ACVR2A: variants seen among roughly 807,000 people sequenced by gnomAD.
ACVR2A encodes activin A receptor type 2A.
ACVR2A carries 7 observed loss-of-function variants against 61.4 expected under a neutral mutation model. The ratio of observed to expected loss-of-function variants is 0.11; its 90% confidence interval spans 0.06 to 0.21. The LOEUF is 0.21. Ranked by LOEUF, ACVR2A falls within the 10% of genes least tolerant of loss-of-function variation. The pLI, the probability that ACVR2A is intolerant of heterozygous loss-of-function variation, is 1.00. For missense variants in ACVR2A, 322 were observed against 621.7 expected (o/e 0.52, Z 5.13); for synonymous variants, 193 against 208.3 (o/e 0.93, Z 0.63).
chr2:147,847,571 T>C (rs376848525), intron 1 of ACVR2A, among the ~76,000 whole-genome samples: 1 of 152,144 alleles, frequency 6.6e-6, no homozygotes, highest in African/African-American at 2.4e-5. Flanking sequence ...TTAGGAGGGA[T>C]GTTTACTATT....
chr2:147,923,177 T>C, intron 9 of ACVR2A, 66 bp downstream of exon 9: 1 of 1,381,076 alleles, frequency 7.2e-7, no homozygotes, highest in Non-Finnish European at 9.9e-7. Flanking sequence ...AAAGGGATGA[T>C]ACACTCCAAG....
At chr2:147,908,064 GAAAA>G (rs1013093217) in intron 4 of ACVR2A, among the ~76,000 whole-genome samples, 1 of 105,928 alleles carries the variant, frequency 9.4e-6, no homozygotes, top group African/African-American at 2.9e-5. Flanking sequence ...AGAAAAAAAA[GAAAA>G]AAAAAGCAAA....
Position 147,915,184 on chromosome 2 carries a change from T to C in ACVR2A, c.529-7T>C. On this transcript the variant is annotated splice_region_variant and splice_polypyrimidine_tract_variant and intron_variant, in intron 4 of 10. Transcript: ENST00000241416. ...TTATTTATAGTATTATTATTATTTATCTGTAGGACCCAGGACCACCCCCAC... is the reference window on the plus strand; with the variant it reads ...TTATTTATAGTATTATTATTATTTACCTGTAGGACCCAGGACCACCCCCAC... The C allele has an allele frequency of 6.2e-7, 1 of 1,610,498 alleles. No homozygotes were observed. The highest frequency in any genetic ancestry group is 8.5e-7 in the Non-Finnish European group (1 of 1,177,416).
At chr2:147,844,881 G>A (rs1685258731), upstream of ACVR2A, 2 of 383,162 alleles carry the variant, frequency 5.2e-6, no homozygotes. Flanking sequence ...TGTTGTTGTT[G>A]GCTTTTCGTT....
chr2:147,908,945 T>A (rs1457296550), intron 4 of ACVR2A, among the ~76,000 whole-genome samples: 1 of 152,074 alleles, frequency 6.6e-6, no homozygotes, highest in East Asian at 1.9e-4. Flanking sequence ...TAAACAAAAA[T>A]CTCTATTTTC....
intron 1 of ACVR2A, among the ~76,000 whole-genome samples, chr2:147,873,148 C>T (rs1686065053): frequency 6.6e-6 from 1 of 151,832 alleles, no homozygotes. Context: ...CTAAGAATGC[C>T]TCATATGGCA....
At chr2:147,913,936 G>A (rs1687187416) in intron 4 of ACVR2A, among the ~76,000 whole-genome samples, 1 of 149,774 alleles carries the variant, frequency 6.7e-6, no homozygotes, top group Non-Finnish European at 1.5e-5. Flanking sequence ...TATAAAGATG[G>A]TTTCATTTAG....
intron 1 of ACVR2A, among the ~76,000 whole-genome samples, chr2:147,887,256 A>T (rs1430873151): frequency 6.6e-6 from 1 of 152,052 alleles, no homozygotes; most frequent in Non-Finnish European, 1.5e-5. Context: ...TGAAAATGTG[A>T]TTAAAGAATG....
At chr2:147,877,010 GTC>G (rs773954966) in intron 1 of ACVR2A, among the ~76,000 whole-genome samples, 3 of 148,630 alleles carry the variant, frequency 2.0e-5, no homozygotes, top group Non-Finnish European at 4.5e-5. Context: ...AAGCTGCTGT[GTC>G]TCTCTATTCT....
At chr2:147,912,722 T>C (rs1308993243) in intron 4 of ACVR2A, among the ~76,000 whole-genome samples, 1 of 151,998 alleles carries the variant, frequency 6.6e-6, no homozygotes, top group Non-Finnish European at 1.5e-5. Context: ...TTAGAGATTT[T>C]ATAATCTGTC....
At position 147,929,080 on chromosome 2, in the gene ACVR2A, A is replaced by C. The variant is rs1687586778; in HGVS notation, c.*1806A>C. 1 of 152,458 alleles carries C rather than the reference A, an allele frequency of 6.6e-6. No individual in the cohort carries two copies. Among genetic ancestry groups the C allele is most frequent in the South Asian group, 2.1e-4 (1 of 4,834 alleles). The allele number at this position is 152,458 out of a possible 1,614,324, so 9.4% of individuals were successfully genotyped here. A position where few individuals can be genotyped will look rare whatever the true frequency, so the allele number is the denominator to read the frequency against. ...ATTTATAAACAATACATAGGTCAAC[A>C]GACTTTAAGCAGGGAGGAAAAGAAG... On this transcript the variant is annotated 3_prime_UTR_variant, in exon 11 of 11. Transcript: ENST00000241416.
intron 1 of ACVR2A, among the ~76,000 whole-genome samples, chr2:147,881,195 C>T (rs533195971): frequency 6.6e-6 from 1 of 152,172 alleles, no homozygotes; most frequent in Non-Finnish European, 1.5e-5. Flanking sequence ...ATGATAAATC[C>T]GAAGTTTTGT....
chr2:147,855,433 A>C (rs1558959481), intron 1 of ACVR2A, among the ~76,000 whole-genome samples: 1 of 152,174 alleles, frequency 6.6e-6, no homozygotes, highest in Non-Finnish European at 1.5e-5. Context: ...TGAAGCAAAG[A>C]GTTTTAAGGA....
intron 1 of ACVR2A, among the ~76,000 whole-genome samples, chr2:147,893,756 C>CTA (rs1686649803): frequency 6.6e-6 from 1 of 151,998 alleles, no homozygotes; most frequent in Non-Finnish European, 1.5e-5. Flanking sequence ...TTGTAAGAGG[C>CTA]CGTTATATTT....
chr2:147,856,090 T>C (rs74364731), intron 1 of ACVR2A, among the ~76,000 whole-genome samples: 4,989 of 152,314 alleles, frequency 0.033, 212 homozygotes, highest in African/African-American at 0.097. Context: ...CTTAATACTT[T>C]AGGCTATTAG....
Position 147,922,826 on chromosome 2 carries a change from C to T in ACVR2A, c.1078-147C>T, listed in dbSNP as rs1397422613. ...TGTTGATATATTTTTTAAGTATACG[C>T]AGAAAGGATCTTTCTATTTATACGC... On this transcript the variant is annotated intron_variant, in intron 8 of 10. Coordinates refer to ENST00000241416, the MANE Select transcript of ACVR2A (RefSeq NM_001616.5). 1.0e-5 allele frequency: 7 copies of T among 703,172 alleles called. No individual in the cohort carries two copies. The African/African-American group carries it at 1.3e-4, about 13-fold the overall frequency. The allele number at this position is 703,172 out of a possible 1,614,324, so 43.6% of individuals were successfully genotyped here. A position where few individuals can be genotyped will look rare whatever the true frequency, so the allele number is the denominator to read the frequency against.
At chr2:147,892,885 A>G (rs573438864) in intron 1 of ACVR2A, among the ~76,000 whole-genome samples, 17 of 150,210 alleles carry the variant, frequency 1.1e-4, no homozygotes, top group African/African-American at 3.7e-4. Context: ...TTTCTTTTCT[A>G]TTGTTTTTTT....
chr2:147,896,555 A>G, intron 2 of ACVR2A, 47 bp downstream of exon 2: 1 of 1,558,810 alleles, frequency 6.4e-7, no homozygotes, highest in Non-Finnish European at 8.8e-7. Flanking sequence ...TAATTTTCAC[A>G]CTTCCCCTCT....
At chr2:147,849,303 C>T (rs1472813575) in intron 1 of ACVR2A, among the ~76,000 whole-genome samples, 3 of 152,168 alleles carry the variant, frequency 2.0e-5, no homozygotes, top group African/African-American at 4.8e-5. Flanking sequence ...CATCATTGGG[C>T]TGCCTTATGG....
Sources: allele counts gnomAD v4.1 joint callset (sites outside exome capture counted in the v4.1 genomes callset), GRCh38; gene constraint gnomAD v4.1.1; transcripts MANE v1.5; gene names NCBI Gene and HGNC (gene_info 2026-07-23, HGNC 2026-07-21).